TDRD9: variants seen among roughly 807,000 people sequenced by gnomAD.
The protein encoded by TDRD9 is tudor domain containing 9.
In TDRD9, 124 loss-of-function variants were observed where a neutral mutation model predicts 172.6. The observed-to-expected ratio is 0.72, with a 90% confidence interval of 0.62 to 0.83. The LOEUF (loss-of-function observed/expected upper bound fraction) is 0.83, where lower values mean the gene tolerates loss of function less well. TDRD9 is among the 40% of genes least tolerant of loss of function. The probability of loss-of-function intolerance (pLI) is 0.00; values close to 1 mark genes in which losing one functional copy is unlikely to be tolerated. For missense variants in TDRD9, 1,479 were observed against 1,714.1 expected, an observed-to-expected ratio of 0.86 and a Z score of 2.42; for synonymous variants, 619 against 617.1, an observed-to-expected ratio of 1.00 and a Z score of -0.05.
chr14:103,993,137 AT>A (rs11284867), intron 9 of TDRD9, among the ~76,000 whole-genome samples: 64,785 of 145,114 alleles, frequency 0.45, 14,478 homozygotes, highest in African/African-American at 0.52. Flanking sequence ...GCCTGGCCAA[AT>A]TTTTTTTTTT....
Position 104,031,256 on chromosome 14 carries a change from A to C in TDRD9, c.3431A>C (p.Asn1144Thr), listed in dbSNP as rs2035271289. The C allele has an allele frequency of 1.3e-6, 2 of 1,548,782 alleles. No homozygotes were observed. Among genetic ancestry groups the C allele is most frequent in the Admixed American group, 4.0e-5 (2 of 49,878 alleles). The change falls in exon 29 of 36, where the codon AAC (asparagine) becomes ACC (threonine). Residue 1144 changes from asparagine to threonine, a missense_variant. Asn to Thr is a moderately conservative substitution (Grantham distance 65). Around this residue, in one of 3 missense-constraint regions of TDRD9, gnomAD observed 1,413 missense variants for 1,649.1 expected, o/e 0.86. Transcript: ENST00000409874. ...TCTACCAATAAACTGGGTACTCCAA[A>C]CTGTAAGGTGATTGTAGGAGTTTTA... ...SFSTNKLGTP[N>T]CKAELHGPFN... is the part of the protein sequence containing the mutation.
In TDRD9 at chr14:103,952,234, T is replaced by TA. The variant is rs1566734999; in HGVS notation, c.216-3430_216-3429insA. 2.1e-4 allele frequency among the ~76,000 whole-genome samples: 8 copies of TA among 38,026 alleles called. No individual in the cohort carries two copies. The South Asian group carries it at 3.2e-3, about 15-fold the overall frequency. 24.9% of individuals were successfully genotyped at this position (38,026 alleles called of 152,430 possible). A position where few individuals can be genotyped will look rare whatever the true frequency, so the allele number is the denominator to read the frequency against. On this transcript the variant is annotated intron_variant, in intron 1 of 35. Transcript: ENST00000409874. ...TATATATATATATTTTTTTTTTTTT[T>TA]TTTTTTTTTTTTTTTTTTTTTTTTG...
At chr14:103,954,862 C>T (rs1244367727) in intron 1 of TDRD9, among the ~76,000 whole-genome samples, 1 of 152,010 alleles carries the variant, frequency 6.6e-6, no homozygotes, top group Admixed American at 6.6e-5. Context: ...CTCCTGACCT[C>T]AAGTGATCCG....
Position 104,014,857 on chromosome 14 carries a change from C to T in TDRD9, c.2223+16C>T, listed in dbSNP as rs1202733759. 2 of 1,464,870 alleles carry T rather than the reference C, an allele frequency of 1.4e-6. No homozygotes were observed. Among genetic ancestry groups the T allele is most frequent in the African/African-American group, 1.6e-5 (1 of 64,282 alleles). 90.7% of individuals were successfully genotyped at this position (1,464,870 alleles called of 1,614,324 possible). A position where few individuals can be genotyped will look rare whatever the true frequency, so the allele number is the denominator to read the frequency against. ...CATCCTACAGGTGTGCTGAAGTTTCCTGGATATTTTTTTTCCTGATTCTTT... is the reference window on the plus strand; with the variant it reads ...CATCCTACAGGTGTGCTGAAGTTTCTTGGATATTTTTTTTCCTGATTCTTT... On this transcript the variant is annotated intron_variant, in intron 21 of 35. Transcript: ENST00000409874.
chr14:103,928,839 G>A (rs2030157836), intron 1 of TDRD9, 115 bp downstream of exon 1: 1 of 312,442 alleles, frequency 3.2e-6, no homozygotes, highest in Non-Finnish European at 5.6e-6. Flanking sequence ...GGGGCTCCAG[G>A]GACCCCTGAC....
At chr14:103,936,137 A>G (rs958142170) in intron 1 of TDRD9, among the ~76,000 whole-genome samples, 4 of 152,190 alleles carry the variant, frequency 2.6e-5, no homozygotes, top group African/African-American at 9.7e-5. Context: ...CATGGAATGC[A>G]GTGGCACAAT....
intron 1 of TDRD9, among the ~76,000 whole-genome samples, chr14:103,932,914 T>G (rs754360143): frequency 6.6e-6 from 1 of 151,888 alleles, no homozygotes; most frequent in Non-Finnish European, 1.5e-5. Context: ...AAAAAATAAA[T>G]AGAAAATGCC....
intron 7 of TDRD9, among the ~76,000 whole-genome samples, chr14:103,982,406 C>T (rs1374544381): frequency 6.6e-6 from 1 of 152,124 alleles, no homozygotes; most frequent in Non-Finnish European, 1.5e-5. Context: ...TAGTGACCTC[C>T]TTGTCGTTAG....
chr14:104,011,028 G>A (rs1410454947), intron 20 of TDRD9, among the ~76,000 whole-genome samples: 1 of 152,194 alleles, frequency 6.6e-6, no homozygotes, highest in Non-Finnish European at 1.5e-5. Flanking sequence ...CTGCAGACAC[G>A]TGAGTAAACG....
chr14:103,987,139 C>T (rs1221566607), intron 8 of TDRD9, among the ~76,000 whole-genome samples: 1 of 151,586 alleles, frequency 6.6e-6, no homozygotes, highest in African/African-American at 2.4e-5. Flanking sequence ...CACACACACA[C>T]ACACACACAC....
intron 24 of TDRD9, among the ~76,000 whole-genome samples, chr14:104,022,840 G>T (rs1289493794): frequency 6.6e-6 from 1 of 152,098 alleles, no homozygotes; most frequent in Non-Finnish European, 1.5e-5. Context: ...GTGCACTTGG[G>T]CACATTACCT....
intron 34 of TDRD9, among the ~76,000 whole-genome samples, chr14:104,046,188 G>T (rs1016647372): frequency 1.3e-5 from 2 of 152,226 alleles, no homozygotes; most frequent in South Asian, 2.1e-4. Context: ...ATCTCTTGAC[G>T]TCGTGATCTG....
intron 5 of TDRD9, among the ~76,000 whole-genome samples, chr14:103,967,930 T>G (rs2032824779): frequency 6.6e-6 from 1 of 152,200 alleles, no homozygotes; most frequent in African/African-American, 2.4e-5. Flanking sequence ...CCACTTTACA[T>G]AAAAGGAAAC....
intron 1 of TDRD9, among the ~76,000 whole-genome samples, chr14:103,938,427 TATATA>T (rs1566723200): frequency 3.6e-5 from 2 of 56,284 alleles, no homozygotes; most frequent in African/African-American, 1.4e-4. Flanking sequence ...TATATATATA[TATATA>T]TATATATATT....
intron 20 of TDRD9, among the ~76,000 whole-genome samples, chr14:104,010,166 T>C (rs2034569608): frequency 6.6e-6 from 1 of 152,042 alleles, no homozygotes; most frequent in Admixed American, 6.6e-5. Context: ...AGGCTGGTCT[T>C]GAACTCCTGA....
intron 15 of TDRD9, 23 bp downstream of exon 15, chr14:104,005,428 AC>A (rs753521768): frequency 1.2e-6 from 2 of 1,613,478 alleles, no homozygotes; most frequent in East Asian, 4.5e-5. Flanking sequence ...GCTGGTTAGT[AC>A]TGTTGGCATC....
intron 1 of TDRD9, chr14:103,940,746 C>G: frequency 8.5e-7 from 1 of 1,170,998 alleles, no homozygotes; most frequent in South Asian, 1.5e-5. Context: ...ATCACTTTTT[C>G]TTATTCTTAA....
chr14:104,010,157 G>T (rs1416471215), intron 20 of TDRD9, among the ~76,000 whole-genome samples: 3 of 152,080 alleles, frequency 2.0e-5, no homozygotes, highest in Non-Finnish European at 4.4e-5. Context: ...ATGTTGGCCA[G>T]GCTGGTCTTG....
chr14:103,956,382 G>GAGCCA (rs1381708320), intron 2 of TDRD9, among the ~76,000 whole-genome samples: 1 of 151,820 alleles, frequency 6.6e-6, no homozygotes, highest in African/African-American at 2.4e-5. Context: ...AGATTACAGT[G>GAGCCA]AGCCAAGATC....
Sources: allele counts gnomAD v4.1 joint callset (sites outside exome capture counted in the v4.1 genomes callset), GRCh38; gene constraint gnomAD v4.1.1; regional missense constraint gnomAD v4.1.1; transcripts MANE v1.5; gene names NCBI Gene and HGNC (gene_info 2026-07-23, HGNC 2026-07-21).